SIPA1L1: variants seen among roughly 807,000 people sequenced by gnomAD.
The protein encoded by SIPA1L1 is signal induced proliferation associated 1 like 1.
Under a neutral mutation model 162.7 loss-of-function variants are expected in SIPA1L1, and 26 were observed. The observed-to-expected ratio is 0.16, with a 90% confidence interval of 0.12 to 0.22. SIPA1L1 has a LOEUF of 0.22. Among genes scored for constraint, SIPA1L1 ranks in the 10% least tolerant of loss-of-function variants. SIPA1L1 has a pLI of 1.00. For synonymous variants in SIPA1L1, 829 were observed against 837.4 expected (o/e 0.99, Z 0.17); for missense variants, 1,874 against 2,241.0 (o/e 0.84, Z 3.31).
At chr14:71,337,277 G>C (rs943536545) in intron 2 of SIPA1L1, among the ~76,000 whole-genome samples, 2 of 152,138 alleles carry the variant, frequency 1.3e-5, no homozygotes, top group African/African-American at 4.8e-5. Flanking sequence ...TTCAGTTTTA[G>C]TTATATTTAA....
intron 2 of SIPA1L1, among the ~76,000 whole-genome samples, chr14:71,403,967 A>G (rs1272957759): frequency 1.3e-5 from 2 of 151,468 alleles, no homozygotes; most frequent in Non-Finnish European, 2.9e-5. Context: ...CCTTGACTGC[A>G]CACACACACA....
chr14:71,523,051 ACTGATTCACTGTTCAT>A (rs2052518862), intron 3 of SIPA1L1, among the ~76,000 whole-genome samples: 1 of 152,016 alleles, frequency 6.6e-6, no homozygotes. Flanking sequence ...CTTACAGTTT[ACTGATTCACTGTTCAT>A]CTGTGTCCAT....
chr14:71,333,176 G>A lies in SIPA1L1; in HGVS notation c.-465+11995G>A, dbSNP rs548524725. On this transcript the variant is annotated intron_variant, in intron 2 of 23. Coordinates refer to ENST00000381232, the MANE Select transcript of SIPA1L1 (RefSeq NM_001386936.1). ...GCCTGTTTCAGATGATTGGTATAAT[G>A]TGTGTGTAGGAGATTTGGAAATGCT... Among the ~76,000 whole-genome samples the A allele has an allele frequency of 1.8e-4, 27 of 152,290 alleles. No homozygotes were observed. The South Asian group carries it at 5.4e-3, about 30-fold the overall frequency.
intron 17 of SIPA1L1, among the ~76,000 whole-genome samples, chr14:71,710,691 CCAG>C (rs367796379): frequency 6.6e-6 from 1 of 151,648 alleles, no homozygotes; most frequent in African/African-American, 2.4e-5. Context: ...ACCTGTAATC[CCAG>C]CTACTTGGGA....
chr14:71,399,364 T>C (rs1002473226), intron 2 of SIPA1L1, among the ~76,000 whole-genome samples: 2 of 152,190 alleles, frequency 1.3e-5, no homozygotes, highest in African/African-American at 4.8e-5. Context: ...AAATGTGGGC[T>C]CTGGTTCTTT....
At chr14:71,679,950 A>G (rs1194664039) in intron 12 of SIPA1L1, among the ~76,000 whole-genome samples, 1 of 152,232 alleles carries the variant, frequency 6.6e-6, no homozygotes, top group African/African-American at 2.4e-5. Flanking sequence ...TTAGAGACCT[A>G]CAAAGAGACT....
At chr14:71,595,085 C>G (rs753724741) in intron 5 of SIPA1L1, among the ~76,000 whole-genome samples, 3 of 152,170 alleles carry the variant, frequency 2.0e-5, no homozygotes, top group Non-Finnish European at 4.4e-5. Context: ...GCCTCTCAAG[C>G]CAGAGGTTTT....
Position 71,707,465 on chromosome 14 carries a change from T to G in SIPA1L1, c.3766-1757T>G, listed in dbSNP as rs193261686. On this transcript the variant is annotated intron_variant, in intron 16 of 23. Coordinates refer to ENST00000381232, the MANE Select transcript of SIPA1L1 (RefSeq NM_001386936.1). ...GGGCATTTTCGTCACCACCACCGAC[T>G]GCTTGTCATCCCCTGGGAGACCTAG... Among the ~76,000 whole-genome samples the G allele has an allele frequency of 7.9e-5, 12 of 152,314 alleles. No homozygotes were observed. The East Asian group carries it at 1.7e-3, about 22-fold the overall frequency.
intron 2 of SIPA1L1, among the ~76,000 whole-genome samples, chr14:71,360,237 A>G (rs1051926279): frequency 4.6e-5 from 7 of 152,238 alleles, no homozygotes; most frequent in African/African-American, 1.7e-4. Flanking sequence ...TCTAGGGCGT[A>G]AGGTAGTTTA....
intron 2 of SIPA1L1, chr14:71,503,810 T>A (rs1483011375): frequency 6.6e-6 from 1 of 152,152 alleles, no homozygotes; most frequent in East Asian, 1.9e-4. Flanking sequence ...TTTAATATTT[T>A]TATTTTTTTT....
intron 2 of SIPA1L1, among the ~76,000 whole-genome samples, chr14:71,364,327 A>G (rs1287521896): frequency 1.3e-5 from 2 of 152,166 alleles, no homozygotes; most frequent in Non-Finnish European, 2.9e-5. Flanking sequence ...TACAGTGCAG[A>G]TATGAAACAT....
In SIPA1L1 at chr14:71,708,597, C is replaced by CTA. The variant is rs770860066; in HGVS notation, c.3766-622_3766-621dup. On this transcript the variant is annotated intron_variant, in intron 16 of 23. Coordinates refer to ENST00000381232, the MANE Select transcript of SIPA1L1 (RefSeq NM_001386936.1). ...GCCTTGGCCTCCCAAAGTGCTGGGA[C>CTA]TATAGGTGTGAGCCACTGCCCCAGT... Among the ~76,000 whole-genome samples, 22 of 152,242 alleles carry CTA rather than the reference C, an allele frequency of 1.4e-4. No homozygotes were observed. The South Asian group carries it at 2.5e-3, about 17-fold the overall frequency.
chr14:71,407,564 C>G (rs141017246), intron 2 of SIPA1L1, among the ~76,000 whole-genome samples: 1 of 146,784 alleles, frequency 6.8e-6, no homozygotes, highest in South Asian at 2.2e-4. Context: ...GGGAGTGTAG[C>G]GGCATGATCA....
intron 5 of SIPA1L1, among the ~76,000 whole-genome samples, chr14:71,608,955 C>T (rs2148258026): frequency 6.6e-6 from 1 of 152,110 alleles, no homozygotes; most frequent in South Asian, 2.1e-4. Flanking sequence ...ATATGTATAT[C>T]ATTATAGAAA....
At chr14:71,659,940 C>A (rs2043364952) in intron 9 of SIPA1L1, among the ~76,000 whole-genome samples, 1 of 151,062 alleles carries the variant, frequency 6.6e-6, no homozygotes, top group Admixed American at 6.6e-5. Flanking sequence ...TTACTTTATG[C>A]TTGGAAAAAA....
chr14:71,606,813 G>A (rs1305445017), intron 5 of SIPA1L1, among the ~76,000 whole-genome samples: 2 of 152,098 alleles, frequency 1.3e-5, no homozygotes, highest in Admixed American at 6.5e-5. Context: ...TAGCACTGGG[G>A]GAGTCTGGGT....
At chr14:71,527,789 G>A (rs1293986015) in intron 3 of SIPA1L1, among the ~76,000 whole-genome samples, 1 of 152,184 alleles carries the variant, frequency 6.6e-6, no homozygotes, top group Non-Finnish European at 1.5e-5. Context: ...TTAAAGCTTA[G>A]TTAGACTTTC....
intron 4 of SIPA1L1, among the ~76,000 whole-genome samples, chr14:71,582,367 C>T (rs2034051436): frequency 6.6e-6 from 1 of 151,942 alleles, no homozygotes; most frequent in Admixed American, 6.6e-5. Context: ...ATTATTCCAC[C>T]ACGTAACTTG....
intron 5 of SIPA1L1, among the ~76,000 whole-genome samples, chr14:71,590,950 A>G (rs1232622710): frequency 1.3e-5 from 2 of 152,112 alleles, no homozygotes; most frequent in Non-Finnish European, 2.9e-5. Context: ...AAATGTCTTC[A>G]GGCATTGCCA....
Sources: gnomAD v4.1 joint callset for allele counts (sites outside exome capture counted in the v4.1 genomes callset) on GRCh38, gnomAD v4.1.1 for gene constraint, MANE v1.5 for transcripts, NCBI Gene and HGNC (gene_info 2026-07-23, HGNC 2026-07-21) for gene names.